BAZ2A: variants seen among roughly 807,000 people sequenced by gnomAD.
BAZ2A encodes the protein bromodomain adjacent to zinc finger domain 2A.
Under a neutral mutation model 199.9 loss-of-function variants are expected in BAZ2A, and 34 were observed. The ratio of observed to expected loss-of-function variants is 0.17; its 90% CI spans 0.13 to 0.23. BAZ2A has a LOEUF of 0.23. Ranked by LOEUF, BAZ2A falls within the 10% of genes least tolerant of loss-of-function variation. BAZ2A has a pLI of 1.00. For synonymous variants in BAZ2A, 857 were observed against 883.9 expected, an observed-to-expected ratio of 0.97 and a Z score of 0.54; for missense variants, 2,002 against 2,391.1, an observed-to-expected ratio of 0.84 and a Z score of 3.39.
intron 10 of BAZ2A, among the ~76,000 whole-genome samples, chr12:56,609,517 T>C (rs948119364): frequency 6.6e-6 from 1 of 152,154 alleles, no homozygotes; most frequent in African/African-American, 2.4e-5. Flanking sequence ...AGCCCAAGGT[T>C]TCACTGGTAA....
In BAZ2A at chr12:56,630,170, G is replaced by A. The variant is rs534677557; in HGVS notation, c.-48C>T. ...CGGGCTCGGGGCTCGTCTCTCCCCG[G>A]GGTACAAGCGGTTCACATGGCCGCG... On this transcript the variant is annotated 5_prime_UTR_variant, in exon 1 of 29. Transcript: ENST00000549884. 161 of 985,606 alleles carry A rather than the reference G, an allele frequency of 1.6e-4. 1 individual carries two copies. In the African/African-American group the frequency reaches 2.7e-3, roughly 16 times the overall value. The allele number at this position is 985,606 out of a possible 1,614,324, so 61.1% of individuals were successfully genotyped here. A position where few individuals can be genotyped will look rare whatever the true frequency, so the allele number is the denominator to read the frequency against.
chr12:56,616,389 G>C (rs1313433149), intron 2 of BAZ2A, among the ~76,000 whole-genome samples: 1 of 152,102 alleles, frequency 6.6e-6, no homozygotes, highest in African/African-American at 2.4e-5. Flanking sequence ...CCACCTCACT[G>C]GCACATGCAG....
In BAZ2A at chr12:56,602,804, C is replaced by T. The variant is rs374758438; in HGVS notation, c.3333G>A (p.Ala1111=). Residue 1111 remains alanine (A), a synonymous_variant, in exon 19 of 29, where the codon GCG becomes GCA. Transcript: ENST00000549884. Reference sequence around the variant, plus strand: ...TGTAGCGGTCCTGACCCAGGGAGACCGCCCGAAGCATCTGGGATGAGTGAA... The same window carrying T: ...TGTAGCGGTCCTGACCCAGGGAGACTGCCCGAAGCATCTGGGATGAGTGAA... ...KLLHSSQMLR[A]VSLGQDRYRR... is the part of the protein sequence containing the mutation. The T allele has an allele frequency of 1.5e-5, 24 of 1,613,748 alleles. No individual in the cohort carries two copies. The highest frequency in any genetic ancestry group is 1.0e-4 in the Admixed American group (6 of 59,996).
chr12:56,629,965 A>T, intron 1 of BAZ2A, 160 bp downstream of exon 1: 1 of 454,914 alleles, frequency 2.2e-6, no homozygotes, highest in Non-Finnish European at 2.9e-6. Flanking sequence ...GAGCAAGGAG[A>T]CCCTCGCCTC....
chr12:56,618,261 T>C (rs1032214064), intron 1 of BAZ2A, among the ~76,000 whole-genome samples: 11 of 152,178 alleles, frequency 7.2e-5, no homozygotes, highest in Non-Finnish European at 1.3e-4. Flanking sequence ...ATGTCTATTA[T>C]GGTTATTTCC....
At chr12:56,628,177 C>CAAAAAAAAAAAA (rs57372528) in intron 1 of BAZ2A, among the ~76,000 whole-genome samples, 1 of 28,390 alleles carries the variant, frequency 3.5e-5, no homozygotes, top group Non-Finnish European at 6.9e-5. Context: ...AACTCCGTCT[C>CAAAAAAAAAAAA]AAAAAAAAAA....
intron 16 of BAZ2A, 56 bp downstream of exon 16, chr12:56,604,161 C>T: frequency 6.6e-7 from 1 of 1,511,460 alleles, no homozygotes; most frequent in African/African-American, 1.4e-5. Flanking sequence ...CCTGGCTATG[C>T]TTCACCCGCC....
rs932542500 is a variant in BAZ2A at position 56,599,049 on chromosome 12, A to G, written c.5403-38T>C. The G allele has an allele frequency of 8.1e-6, 13 of 1,606,214 alleles. No individual in the cohort carries two copies. In the African/African-American group the frequency reaches 1.6e-4, roughly 20 times the overall value. On this transcript the variant is annotated intron_variant, in intron 27 of 28. Transcript: ENST00000549884. ...GGACAATGATGGCTCCATCTCAGGA[A>G]GCAAATATACTGACCCCTCCCAGCC...
At position 56,601,071 on chromosome 12, in the gene BAZ2A, C is replaced by T. The variant is rs192746056; in HGVS notation, c.4322G>A (p.Arg1441Gln). 9,437 of 1,612,196 alleles carry T rather than the reference C, an allele frequency of 5.9e-3. 49 individuals are homozygous for T. Among genetic ancestry groups the T allele is most frequent in the Non-Finnish European group, 7.3e-3 (8,557 of 1,179,058 alleles). The change falls in exon 22 of 29, where the codon CGA becomes CAA. Residue 1441 changes from arginine (R) to glutamine (Q), a missense_variant. This residue lies in a region of BAZ2A where 1,081 missense variants were observed against 1,274.7 expected (regional missense o/e 0.85). Coordinates refer to ENST00000549884, the MANE Select transcript of BAZ2A (RefSeq NM_001300905.2). Reference protein sequence around the residue: ...PEMCSGWWWIRDPEMLDAMLK... With the variant: ...PEMCSGWWWIQDPEMLDAMLK... ...CATGGCATCCAACATCTCAGGATCT[C>T]GTATCCACCACCAGCCTGAGCACAT...
upstream of BAZ2A, among the ~76,000 whole-genome samples, chr12:56,634,792 G>A (rs1951406566): frequency 6.6e-6 from 1 of 152,218 alleles, no homozygotes; most frequent in Admixed American, 6.5e-5. Flanking sequence ...GGGGAAAATG[G>A]GCGAGTAGAT....
intron 10 of BAZ2A, among the ~76,000 whole-genome samples, chr12:56,608,035 T>C (rs1238886116): frequency 2.1e-5 from 3 of 144,606 alleles, no homozygotes; most frequent in Non-Finnish European, 4.5e-5. Context: ...GATCGCGCCA[T>C]TGCACTCCAG....
chr12:56,638,148 T>C (rs1951484616), upstream of BAZ2A: 1 of 589,900 alleles, frequency 1.7e-6, no homozygotes, highest in Non-Finnish European at 3.0e-6. Flanking sequence ...GTTGACTATG[T>C]TGTCAGAACC....
At chr12:56,609,352 T>A (rs1258890283) in intron 10 of BAZ2A, among the ~76,000 whole-genome samples, 1 of 152,150 alleles carries the variant, frequency 6.6e-6, no homozygotes, top group Non-Finnish European at 1.5e-5. Context: ...TGGCTCCCAA[T>A]TATCTTTTGA....
chr12:56,628,892 C>G (rs1278680529), intron 1 of BAZ2A, among the ~76,000 whole-genome samples: 1 of 152,140 alleles, frequency 6.6e-6, no homozygotes, highest in Non-Finnish European at 1.5e-5. Flanking sequence ...TGGTAGATAA[C>G]TGAGTTTGCT....
rs1322533912 is a variant in BAZ2A, at chr12:56,602,851, G to C, written c.3286C>G (p.Leu1096Val). ...TGAAGCAGCTTTTTGCGAAAGAAAA[G>C]CTGACGCTGGGTAGACAATGAAAAT... The part of the protein sequence containing the change: ...RQIEKLSKRQ[L>V]FFRKKLLHSS... Residue 1096 changes from leucine (L) to valine (V), a missense_variant, in exon 19 of 29, where the codon CTT becomes GTT. Transcript: ENST00000549884. The C allele has an allele frequency of 6.2e-7, 1 of 1,610,744 alleles. No homozygotes were observed. The highest frequency in any genetic ancestry group is 1.1e-5 in the South Asian group (1 of 90,666).
chr12:56,598,268 G>C lies in BAZ2A; in HGVS notation c.*350C>G. On this transcript the variant is annotated 3_prime_UTR_variant, in exon 29 of 29. Coordinates refer to ENST00000549884, the MANE Select transcript of BAZ2A (RefSeq NM_001300905.2). Reference sequence around the variant, plus strand: ...AAATAACCCCAGAATGCTGGGGCACGTACAGGGGAGGAGAGGAAGCAGGGA... The same window carrying C: ...AAATAACCCCAGAATGCTGGGGCACCTACAGGGGAGGAGAGGAAGCAGGGA... The C allele has an allele frequency of 3.7e-6, 1 of 267,758 alleles. No individual in the cohort carries two copies. The highest frequency in any genetic ancestry group is 7.3e-6 in the Non-Finnish European group (1 of 137,024). The allele number at this position is 267,758 out of a possible 1,614,324, so 16.6% of individuals were successfully genotyped here.
chr12:56,628,281 C>T (rs570548672), intron 1 of BAZ2A, among the ~76,000 whole-genome samples: 5 of 151,028 alleles, frequency 3.3e-5, no homozygotes, highest in African/African-American at 1.2e-4. Flanking sequence ...TAACCAAATC[C>T]AGTGTGCCAC....
chr12:56,621,395 T>C (rs531085877), intron 1 of BAZ2A, among the ~76,000 whole-genome samples: 1 of 152,174 alleles, frequency 6.6e-6, no homozygotes, highest in East Asian at 1.9e-4. Context: ...TGAACTGTCA[T>C]CAGAACCACA....
At chr12:56,625,875 C>CAAAAAAAAAAAAAAAAAA (rs748737235) in intron 1 of BAZ2A, among the ~76,000 whole-genome samples, 1 of 55,304 alleles carries the variant, frequency 1.8e-5, no homozygotes, top group Non-Finnish European at 3.9e-5. Context: ...AACTCCGTCT[C>CAAAAAAAAAAAAAAAAAA]AAAAAAAAAA....
Sources: gnomAD v4.1 joint callset for allele counts (sites outside exome capture counted in the v4.1 genomes callset) on GRCh38, gnomAD v4.1.1 for gene constraint, gnomAD v4.1.1 regional missense constraint, MANE v1.5 for transcripts, NCBI Gene and HGNC (gene_info 2026-07-23, HGNC 2026-07-21) for gene names.